The following LINGO2 variants were observed in gnomAD, a reference collection of about 807,000 sequenced individuals.
The protein encoded by LINGO2 is leucine-rich repeat and immunoglobulin-like domain-containing nogo receptor-interacting protein 2.
Under a neutral mutation model 30.6 loss-of-function variants are expected in LINGO2, and 14 were observed. The ratio of observed to expected loss-of-function variants is 0.46; its 90% CI spans 0.30 to 0.72. LINGO2 has a LOEUF of 0.72. LINGO2 is among the 30% of genes least tolerant of loss of function. The pLI is 0.07. For missense variants in LINGO2, 729 were observed against 751.7 expected (o/e 0.97, Z 0.35); for synonymous variants, 317 against 288.5 (o/e 1.10, Z -1.00).
the LINGO2 span, among the ~76,000 whole-genome samples, chr9:29,016,060 T>G: frequency 2.0e-5 from 3 of 152,312 alleles, no homozygotes; most frequent in South Asian, 6.2e-4. Flanking sequence ...GGTATTCATT[T>G]CAGTAAGTCT....
chr9:28,774,041 TACACACACACACACACACAC>T, the LINGO2 span, among the ~76,000 whole-genome samples: 5 of 146,782 alleles, frequency 3.4e-5, no homozygotes, highest in African/African-American at 1.0e-4. Flanking sequence ...TTCTTTTTGA[TACACACACACACACACACAC>T]ACACACACAC....
intron 4 of LINGO2, among the ~76,000 whole-genome samples, chr9:28,063,759 G>T (rs572650215): frequency 6.6e-6 from 1 of 152,190 alleles, no homozygotes; most frequent in African/African-American, 2.4e-5. Flanking sequence ...ATTTCTCCAA[G>T]ACCATTTTCC....
chr9:28,468,456 GGA>G (rs1825395997), intron 2 of LINGO2, among the ~76,000 whole-genome samples: 1 of 152,168 alleles, frequency 6.6e-6, no homozygotes, highest in Non-Finnish European at 1.5e-5. Flanking sequence ...AAAAACTGCA[GGA>G]GAGAGGGGAA....
chr9:28,674,998 A>T (rs966081375), upstream of LINGO2, among the ~76,000 whole-genome samples: 6 of 152,144 alleles, frequency 3.9e-5, no homozygotes, highest in African/African-American at 1.2e-4. Flanking sequence ...GAATTGTTAT[A>T]TGTAATCTGC....
chr9:28,517,684 A>C (rs1176051972), intron 1 of LINGO2, among the ~76,000 whole-genome samples: 4 of 152,240 alleles, frequency 2.6e-5, no homozygotes, highest in African/African-American at 9.6e-5. Context: ...ATGAATATTC[A>C]GAAATTCAGG....
At chr9:28,275,462 C>T (rs954620093) in intron 4 of LINGO2, among the ~76,000 whole-genome samples, 2 of 152,132 alleles carry the variant, frequency 1.3e-5, no homozygotes, top group African/African-American at 2.4e-5. Flanking sequence ...CAGTCTTCAA[C>T]TCAAAGACTT....
rs141219756 is a variant in LINGO2, at chr9:27,950,703, G to A, written c.-32C>T. 194 of 1,478,102 alleles carry A rather than the reference G, an allele frequency of 1.3e-4. 2 individuals carry two copies. The African/African-American group carries it at 2.2e-3, about 17-fold the overall frequency. The allele number at this position is 1,478,102 out of a possible 1,614,324, so 91.6% of individuals were successfully genotyped here. ...ACTTCTTAGTCTACACCTTGGTCAC[G>A]GGTCTGCATGGAAGGGACACAAGAA... On this transcript the variant is annotated 5_prime_UTR_variant, in exon 6 of 6. Coordinates refer to ENST00000379992, the Ensembl canonical transcript of LINGO2.
the LINGO2 span, among the ~76,000 whole-genome samples, chr9:28,838,087 G>A: frequency 2.0e-5 from 3 of 151,944 alleles, no homozygotes; most frequent in Non-Finnish European, 2.9e-5. Context: ...GATACCCTAG[G>A]GGTCCACAGG....
At chr9:29,033,506 T>C in the LINGO2 span, among the ~76,000 whole-genome samples, 1 of 151,692 alleles carries the variant, frequency 6.6e-6, no homozygotes, top group Admixed American at 6.6e-5. Flanking sequence ...CTTATTCTTA[T>C]TACATTAATA....
At chr9:29,190,015 AGGGAGACCGTG>A in the LINGO2 span, among the ~76,000 whole-genome samples, 1 of 81,114 alleles carries the variant, frequency 1.2e-5, no homozygotes, top group Non-Finnish European at 2.3e-5. Context: ...AGAGAGGAAG[AGGGAGACCGTG>A]GGGAGGGAGG....
At chr9:28,097,452 T>C (rs919594765) in intron 4 of LINGO2, among the ~76,000 whole-genome samples, 1 of 145,170 alleles carries the variant, frequency 6.9e-6, no homozygotes, top group African/African-American at 2.6e-5. Flanking sequence ...CCAACAATGA[T>C]AGACTGGATT....
chr9:28,659,426 G>T (rs1217090513), intron 1 of LINGO2, among the ~76,000 whole-genome samples: 1 of 151,792 alleles, frequency 6.6e-6, no homozygotes, highest in African/African-American at 2.4e-5. Context: ...TAGCTTGACA[G>T]CTGACTTATA....
chr9:28,076,631 TTC>T (rs1446381514), intron 4 of LINGO2, among the ~76,000 whole-genome samples: 4 of 152,134 alleles, frequency 2.6e-5, no homozygotes, highest in Non-Finnish European at 5.9e-5. Context: ...TTCTGAAACA[TTC>T]TCTAGGAAGT....
At chr9:28,075,033 G>A (rs1460379389) in intron 4 of LINGO2, among the ~76,000 whole-genome samples, 1 of 151,322 alleles carries the variant, frequency 6.6e-6, no homozygotes, top group Admixed American at 6.6e-5. Context: ...TCAGAAATAG[G>A]GTGTTTTCTA....
chr9:28,911,189 G>A, the LINGO2 span, among the ~76,000 whole-genome samples: 116 of 151,912 alleles, frequency 7.6e-4, 1 homozygote, highest in Admixed American at 7.4e-3. Flanking sequence ...CATATAAGAG[G>A]TAACAAAATG....
chr9:29,042,291 T>C, the LINGO2 span, among the ~76,000 whole-genome samples: 1 of 151,936 alleles, frequency 6.6e-6, no homozygotes, highest in African/African-American at 2.4e-5. Context: ...CTCTGGAAAC[T>C]TCTGAAATTT....
chr9:28,880,554 T>C, the LINGO2 span, among the ~76,000 whole-genome samples: 31 of 152,280 alleles, frequency 2.0e-4, no homozygotes, highest in African/African-American at 4.8e-4. Flanking sequence ...AAGCGGGGTA[T>C]TGTCCAAGGT....
At chr9:28,408,192 T>A (rs779572289) in intron 2 of LINGO2, among the ~76,000 whole-genome samples, 1 of 152,182 alleles carries the variant, frequency 6.6e-6, no homozygotes, top group African/African-American at 2.4e-5. Context: ...ACATCATTTA[T>A]CTCCTTTAAA....
In LINGO2 at chr9:28,638,335, A is replaced by C. The variant is rs147902130; in HGVS notation, c.-365+31865T>G. Among the ~76,000 whole-genome samples the C allele has an allele frequency of 9.2e-3, 1,399 of 152,306 alleles. 26 individuals carry two copies. Among genetic ancestry groups the C allele is most frequent in the East Asian group, 0.079 (412 of 5,184 alleles). On this transcript the variant is annotated intron_variant, in intron 1 of 5. Transcript: ENST00000379992. ...TTATCAGGATGATGCTGGCCTCATA[A>C]AATGAGTTAGGGAGGTTTCCCTATT...
Sources: allele counts gnomAD v4.1 joint callset (sites outside exome capture counted in the v4.1 genomes callset), GRCh38; gene constraint gnomAD v4.1.1; transcripts MANE v1.5; gene names NCBI Gene and HGNC (gene_info 2026-07-23, HGNC 2026-07-21).